CFAP46: variants seen among roughly 807,000 people sequenced by gnomAD.
The protein encoded by CFAP46 is cilia and flagella associated protein 46.
In CFAP46, 245 loss-of-function variants were observed where a neutral mutation model predicts 325.7. That is an observed-to-expected ratio of 0.75 (90% confidence interval 0.68 to 0.84). CFAP46 has a LOEUF of 0.84. Among genes scored for constraint, CFAP46 ranks in the 40% least tolerant of loss-of-function variants. The pLI is 0.00. For synonymous variants in CFAP46, 1,523 were observed against 1,495.9 expected (o/e 1.02, Z -0.42); for missense variants, 3,346 against 3,543.0 (o/e 0.94, Z 1.41).
rs746602373 is a variant in CFAP46, at chr10:132,834,120, C to T, written c.6870G>A (p.Val2290=). The T allele has an allele frequency of 6.2e-7, 1 of 1,614,008 alleles. No individual in the cohort carries two copies. Among genetic ancestry groups the T allele is most frequent in the South Asian group, 1.1e-5 (1 of 91,068 alleles). Residue 2290 remains valine, a synonymous_variant, in exon 49 of 58, where the codon GTG becomes GTA. Coordinates refer to ENST00000368586, the MANE Select transcript of CFAP46 (RefSeq NM_001200049.3). ...FPLLSLSKAR[V]QTPAVVADSG... Reference sequence around the variant, plus strand: ...AATCGGCAACAACCGCAGGTGTCTGCACTCTGAAAGTCAGGTTATATATTC... The same window carrying T: ...AATCGGCAACAACCGCAGGTGTCTGTACTCTGAAAGTCAGGTTATATATTC...
rs182976816 is a variant in CFAP46, at chr10:132,921,443, G to C, written c.1606+661C>G. Among the ~76,000 whole-genome samples the C allele has an allele frequency of 1.0e-3, 155 of 152,338 alleles. 1 individual carries two copies. Among genetic ancestry groups the C allele is most frequent in the South Asian group, 2.3e-3 (11 of 4,830 alleles). ...CTCAGTCCCCGCACATGGGCCGTAC[G>C]GCCCCGTGTCCCATTACCCAAAGCC... On this transcript the variant is annotated intron_variant, in intron 13 of 57. Coordinates refer to ENST00000368586, the MANE Select transcript of CFAP46 (RefSeq NM_001200049.3).
chr10:132,821,400 T>A (rs1226281533), intron 50 of CFAP46, among the ~76,000 whole-genome samples: 26 of 134,280 alleles, frequency 1.9e-4, no homozygotes, highest in South Asian at 1.1e-3. Context: ...GTGCTGTGTG[T>A]GTGCTGTGTG....
At chr10:132,830,671 T>G (rs1329116139) in intron 50 of CFAP46, among the ~76,000 whole-genome samples, 1 of 152,200 alleles carries the variant, frequency 6.6e-6, no homozygotes, top group African/African-American at 2.4e-5. Flanking sequence ...TTTTTGATAT[T>G]GATAATTTTG....
intron 22 of CFAP46, 69 bp downstream of exon 22, chr10:132,908,399 T>C: frequency 1.3e-6 from 2 of 1,519,126 alleles, no homozygotes; most frequent in Non-Finnish European, 1.8e-6. Context: ...CCCTGATCTG[T>C]GATTGAGGCC....
At chr10:132,921,201 T>C (rs11146038) in intron 13 of CFAP46, among the ~76,000 whole-genome samples, 13,124 of 152,092 alleles carry the variant, frequency 0.086, 563 homozygotes, top group African/African-American at 0.097. Context: ...TCGTGCTGGG[T>C]GAAAGCCGCC....
rs531938635 is a variant in CFAP46 at position 132,812,940 on chromosome 10, T to C, written c.7389-43A>G. ...CGCTGGTCAACAGTGCCCATGCACC[T>C]GTACCAGACCCCACCGTGCGTTCTT... On this transcript the variant is annotated intron_variant, in intron 54 of 57. Transcript: ENST00000368586. The C allele has an allele frequency of 3.0e-4, 451 of 1,503,326 alleles. 6 individuals are homozygous for C. In the East Asian group the frequency reaches 0.01, roughly 33 times the overall value. 93.1% of individuals were successfully genotyped at this position (1,503,326 alleles called of 1,614,324 possible).
chr10:132,852,814 A>C (rs1401115932), intron 39 of CFAP46, among the ~76,000 whole-genome samples: 1 of 152,238 alleles, frequency 6.6e-6, no homozygotes, highest in Non-Finnish European at 1.5e-5. Flanking sequence ...TTCATTTTTA[A>C]ATGCTGTCAT....
intron 44 of CFAP46, among the ~76,000 whole-genome samples, chr10:132,843,577 T>TGCTG (rs1848380585): frequency 7.1e-6 from 1 of 140,322 alleles, no homozygotes; most frequent in African/African-American, 2.7e-5. Flanking sequence ...GCCATGGGGC[T>TGCTG]CTGGTCTCGG....
At chr10:132,891,274 G>A (rs1178692620) in intron 25 of CFAP46, among the ~76,000 whole-genome samples, 1 of 152,154 alleles carries the variant, frequency 6.6e-6, no homozygotes, top group South Asian at 2.1e-4. Flanking sequence ...CCCTCCTCTC[G>A]GCCAAGGGCC....
Position 132,832,837 on chromosome 10 carries a change from C to T in CFAP46, c.7117+521G>A, listed in dbSNP as rs749401482. The stretch of plus-strand genomic sequence containing the variant: ...TAACGGAGAGGCTGGCTGTTTACTA[C>T]ACATCTGGTCCCCTCCTTTGAAACA... On this transcript the variant is annotated intron_variant, in intron 50 of 57. Transcript: ENST00000368586. This position sits in a 1 kb window ranked among gnomAD's most constrained non-coding sequence, Gnocchi z 4.1. 1 of 470,360 alleles carries T rather than the reference C, an allele frequency of 2.1e-6. No homozygotes were observed. 29.1% of individuals were successfully genotyped at this position (470,360 alleles called of 1,614,324 possible).
In CFAP46 at chr10:132,877,514, C is replaced by A. The variant is rs1444226799; in HGVS notation, c.4212+367G>T. 6.6e-6 allele frequency among the ~76,000 whole-genome samples: 1 copy of A among 152,208 alleles called. No homozygotes were observed. The highest frequency in any genetic ancestry group is 1.5e-5 in the Non-Finnish European group (1 of 68,026). On this transcript the variant is annotated intron_variant, in intron 30 of 57. Transcript: ENST00000368586. The surrounding 1 kb of genome is among the most constrained non-coding windows in gnomAD (Gnocchi z 5.7). ...TGTGTCTGCTGCCATGGCCTCTGAG[C>A]CTGGCAGACCTGGGACAACGTGCTC...
chr10:132,923,849 C>T (rs1307168515), intron 11 of CFAP46, among the ~76,000 whole-genome samples: 1 of 152,098 alleles, frequency 6.6e-6, no homozygotes, highest in African/African-American at 2.4e-5. Flanking sequence ...ATGTTCTTAG[C>T]CCCAGAGAAA....
At chr10:132,815,233 C>T (rs1406438128) in intron 50 of CFAP46, among the ~76,000 whole-genome samples, 1 of 152,196 alleles carries the variant, frequency 6.6e-6, no homozygotes, top group Non-Finnish European at 1.5e-5. Flanking sequence ...GGTTCCAGGG[C>T]CTTCTGTACA....
chr10:132,846,009 A>G (rs960826220), intron 44 of CFAP46, 48 bp downstream of exon 44: 2 of 1,564,644 alleles, frequency 1.3e-6, no homozygotes, highest in Non-Finnish European at 1.7e-6. Context: ...GTCTGTCCAC[A>G]GAGCTCCAGA....
In CFAP46 at chr10:132,929,509, G is replaced by A. The variant is rs1564804171; in HGVS notation, c.966+196C>T. On this transcript the variant is annotated intron_variant, in intron 9 of 57. Coordinates refer to ENST00000368586, the MANE Select transcript of CFAP46 (RefSeq NM_001200049.3). ...GCCACAAGAAAGGTAAAGAGAAACG[G>A]GCAGGTGTAAAATTGCAAACACCAT... 3 of 781,912 alleles carry A rather than the reference G, an allele frequency of 3.8e-6. 1 individual carries two copies. The highest frequency in any genetic ancestry group is 2.4e-6 in the Non-Finnish European group (1 of 419,202). 48.4% of individuals were successfully genotyped at this position (781,912 alleles called of 1,614,324 possible).
At chr10:132,857,364 C>G (rs1031872230) in intron 39 of CFAP46, among the ~76,000 whole-genome samples, 2 of 152,236 alleles carry the variant, frequency 1.3e-5, no homozygotes, top group Admixed American at 6.5e-5. Flanking sequence ...GAGCTCGGAC[C>G]TTAGCTCAGG....
rs887413999 is a variant in CFAP46, at chr10:132,847,995, G to A, written c.5953-674C>T. ...CAGGGCAGCCGTGGCCACCTGACAC[G>A]CACGGCTGCCTGACATGCACGGAGC... On this transcript the variant is annotated intron_variant, in intron 41 of 57. Transcript: ENST00000368586. The surrounding 1 kb of genome is among the most constrained non-coding windows in gnomAD (Gnocchi z 5.2). Among the ~76,000 whole-genome samples the A allele has an allele frequency of 2.6e-5, 4 of 152,108 alleles. No homozygotes were observed. Among genetic ancestry groups the A allele is most frequent in the African/African-American group, 9.7e-5 (4 of 41,444 alleles).
intron 41 of CFAP46, among the ~76,000 whole-genome samples, chr10:132,848,906 C>T (rs191379127): frequency 2.0e-4 from 30 of 152,270 alleles, no homozygotes; most frequent in Admixed American, 1.7e-3. Flanking sequence ...GTCGATCCTA[C>T]GTATCAAAAC....
rs147029936 is a variant in CFAP46, at chr10:132,907,590, T to C, written c.2924+878A>G. On this transcript the variant is annotated intron_variant, in intron 22 of 57. Coordinates refer to ENST00000368586, the MANE Select transcript of CFAP46 (RefSeq NM_001200049.3). ...TGTCTATTCAAAATTACTTCAAAGC[T>C]GTATGTCGTTAGAAATGGCAGCTGT... 4.0e-3 allele frequency among the ~76,000 whole-genome samples: 617 copies of C among 152,348 alleles called. 3 individuals carry two copies. Among genetic ancestry groups the C allele is most frequent in the African/African-American group, 0.014 (598 of 41,584 alleles).
Sources: gnomAD v4.1 joint callset for allele counts (sites outside exome capture counted in the v4.1 genomes callset) on GRCh38, gnomAD v4.1.1 for gene constraint, Gnocchi (gnomAD v3.1) non-coding constraint, MANE v1.5 for transcripts, NCBI Gene and HGNC (gene_info 2026-07-23, HGNC 2026-07-21) for gene names.